PPP4R1: variants seen among roughly 807,000 people sequenced by gnomAD.
PPP4R1 encodes serine/threonine-protein phosphatase 4 regulatory subunit 1.
PPP4R1 carries 42 observed loss-of-function variants against 111.2 expected under a neutral mutation model. The ratio of observed to expected loss-of-function variants is 0.38; its 90% CI spans 0.29 to 0.49. PPP4R1 has a LOEUF of 0.49. Among genes scored for constraint, PPP4R1 ranks in the 20% least tolerant of loss-of-function variants. The pLI is 0.97. For synonymous variants in PPP4R1, 409 were observed against 405.5 expected (o/e 1.01, Z -0.10); for missense variants, 1,012 against 1,161.6 (o/e 0.87, Z 1.87).
At position 9,570,616 on chromosome 18, in the gene PPP4R1, C is replaced by T. The variant is rs752680777; in HGVS notation, c.1114G>A (p.Val372Ile). Residue 372 changes from valine (V) to isoleucine (I), a missense_variant, in exon 11 of 20, where the codon GTT becomes ATT. Transcript: ENST00000400556. ...TCCAGTATGACACTGGAATTACTAA[C>T]ACTGAGATCTGAAGGAGTATCCTCT... Reference protein sequence around the residue: ...RPEDTPSDLSVSNSSVILENT... With the variant: ...RPEDTPSDLSISNSSVILENT... The T allele has an allele frequency of 1.2e-6, 2 of 1,613,812 alleles. No individual in the cohort carries two copies. The highest frequency in any genetic ancestry group is 2.2e-5 in the South Asian group (2 of 91,040).
In PPP4R1 at chr18:9,550,423, CA is replaced by C. The variant is rs1296918820; in HGVS notation, c.2292-26del. ...TCTACAAAAAGGAATTACAAAAAGA[CA>C]ATGTTTAAAAATCAGCGAGACAAAT... On this transcript the variant is annotated intron_variant, in intron 16 of 19. Coordinates refer to ENST00000400556, the MANE Select transcript of PPP4R1 (RefSeq NM_001042388.3). 7 of 1,564,424 alleles carry C rather than the reference CA, an allele frequency of 4.5e-6. No individual in the cohort carries two copies. The East Asian group carries it at 6.7e-5, about 15-fold the overall frequency.
chr18:9,608,950 G>T (rs2067530461), intron 2 of PPP4R1, among the ~76,000 whole-genome samples: 1 of 152,178 alleles, frequency 6.6e-6, no homozygotes. Context: ...CAAACAAAAA[G>T]TATGCATTTA....
intron 2 of PPP4R1, among the ~76,000 whole-genome samples, chr18:9,606,012 A>C (rs1268514790): frequency 1.3e-5 from 2 of 152,238 alleles, no homozygotes; most frequent in Non-Finnish European, 2.9e-5. Context: ...AAGAGTTGGG[A>C]ATTCATTACA....
chr18:9,578,881 T>C (rs2066981379), intron 9 of PPP4R1, among the ~76,000 whole-genome samples: 1 of 152,236 alleles, frequency 6.6e-6, no homozygotes, highest in African/African-American at 2.4e-5. Flanking sequence ...ACGAATTTAA[T>C]CTTCTCTGAA....
chr18:9,573,208 G>A (rs866001868), intron 10 of PPP4R1, among the ~76,000 whole-genome samples: 15 of 152,240 alleles, frequency 9.9e-5, no homozygotes, highest in Admixed American at 6.5e-4. Flanking sequence ...GGGCCAATTG[G>A]TAAAATTCAA....
At chr18:9,575,201 A>G (rs2066918411) in intron 10 of PPP4R1, among the ~76,000 whole-genome samples, 1 of 152,226 alleles carries the variant, frequency 6.6e-6, no homozygotes, top group South Asian at 2.1e-4. Context: ...AAAAACCTGA[A>G]TCTAAGAAAC....
intron 9 of PPP4R1, among the ~76,000 whole-genome samples, chr18:9,578,064 A>C (rs2066966380): frequency 6.6e-6 from 1 of 152,338 alleles, no homozygotes; most frequent in East Asian, 1.9e-4. Flanking sequence ...AAGTTATAGA[A>C]TTCCACTTCA....
chr18:9,588,269 T>A, intron 5 of PPP4R1, 34 bp from the exon 6 acceptor site: 1 of 1,592,814 alleles, frequency 6.3e-7, no homozygotes, highest in Non-Finnish European at 8.6e-7. Flanking sequence ...AGAAAGTACA[T>A]ATGCAACATG....
At chr18:9,579,779 T>TTA (rs1289618095) in intron 9 of PPP4R1, among the ~76,000 whole-genome samples, 1 of 152,204 alleles carries the variant, frequency 6.6e-6, no homozygotes, top group Non-Finnish European at 1.5e-5. Flanking sequence ...GTAAGTAATC[T>TTA]AGAGACGATT....
chr18:9,552,878 G>A (rs887961886), intron 16 of PPP4R1, among the ~76,000 whole-genome samples: 3 of 152,170 alleles, frequency 2.0e-5, no homozygotes, highest in African/African-American at 7.2e-5. Context: ...TGAAAACATT[G>A]TTAAATGAAG....
intron 2 of PPP4R1, among the ~76,000 whole-genome samples, chr18:9,602,495 G>A (rs562002582): frequency 2.1e-4 from 31 of 150,034 alleles, no homozygotes; most frequent in Admixed American, 9.3e-4. Context: ...GCAGTGAGCC[G>A]AGATTGCGCC....
At chr18:9,558,699 G>T (rs1052502738) in intron 14 of PPP4R1, among the ~76,000 whole-genome samples, 5 of 148,102 alleles carry the variant, frequency 3.4e-5, no homozygotes, top group African/African-American at 5.0e-5. Context: ...TAATCAGACT[G>T]TTTTTTTTTT....
intron 4 of PPP4R1, among the ~76,000 whole-genome samples, chr18:9,592,007 T>G (rs946149866): frequency 6.6e-6 from 1 of 152,136 alleles, no homozygotes; most frequent in Admixed American, 6.5e-5. Context: ...GCAGGGGTGG[T>G]TGCAGTGAGT....
intron 2 of PPP4R1, among the ~76,000 whole-genome samples, chr18:9,597,110 C>A (rs2067302458): frequency 6.6e-6 from 1 of 152,132 alleles, no homozygotes; most frequent in Non-Finnish European, 1.5e-5. Flanking sequence ...AGCCACTGCA[C>A]TCTAGCCCCT....
At chr18:9,559,739 G>C in intron 13 of PPP4R1, 135 bp from the exon 14 acceptor site, 1 of 559,796 alleles carries the variant, frequency 1.8e-6, no homozygotes, top group Non-Finnish European at 2.7e-6. Context: ...AAAAACCAAT[G>C]TCAAATGTTC....
rs73942110 is a variant in PPP4R1, at chr18:9,607,019, G to A, written c.52+7207C>T. ...TAAATAAATGAAGTATTGAATAAAT[G>A]AGTTATTTCTATCAAAAATGAATTT... On this transcript the variant is annotated intron_variant, in intron 2 of 19. Transcript: ENST00000400556. Among the ~76,000 whole-genome samples, 1,257 of 152,238 alleles carry A rather than the reference G, an allele frequency of 8.3e-3. 19 individuals carry two copies. The highest frequency in any genetic ancestry group is 0.029 in the African/African-American group (1,186 of 41,540).
At chr18:9,614,913 G>C (rs1433408658), upstream of PPP4R1, 4 of 151,212 alleles carry the variant, frequency 2.6e-5, no homozygotes, top group Non-Finnish European at 5.9e-5. This position sits in a 1 kb window ranked among gnomAD's most constrained non-coding sequence, Gnocchi z 4.1. Flanking sequence ...CCCGCGGCCC[G>C]GCCGCTTTAT....
In PPP4R1 at chr18:9,582,919, A is replaced by C. The variant is rs28643333; in HGVS notation, c.918+198T>G. On this transcript the variant is annotated intron_variant, in intron 9 of 19. Transcript: ENST00000400556. Reference sequence around the variant, plus strand: ...ATTAAATAAAAATCAACAGGACTTAAATGTGTAAAGAAATTTTTGTCCTGT... The same window carrying C: ...ATTAAATAAAAATCAACAGGACTTACATGTGTAAAGAAATTTTTGTCCTGT... Among the ~76,000 whole-genome samples, 1,888 of 152,362 alleles carry C rather than the reference A, an allele frequency of 0.012. 44 individuals are homozygous for C. Among genetic ancestry groups the C allele is most frequent in the African/African-American group, 0.042 (1,752 of 41,582 alleles).
At chr18:9,582,976 A>G (rs2067054632) in intron 9 of PPP4R1, 141 bp downstream of exon 9, 11 of 756,504 alleles carry the variant, frequency 1.5e-5, no homozygotes, top group Non-Finnish European at 1.7e-5. Context: ...TTAATATAGT[A>G]GTCTTTCTAC....
Sources: gnomAD v4.1 joint callset for allele counts (sites outside exome capture counted in the v4.1 genomes callset) on GRCh38, gnomAD v4.1.1 for gene constraint, Gnocchi (gnomAD v3.1) non-coding constraint, MANE v1.5 for transcripts, NCBI Gene and HGNC (gene_info 2026-07-23, HGNC 2026-07-21) for gene names.